Variants in COL5A3 observed in about 807,000 individuals in gnomAD.
The protein encoded by COL5A3 is collagen alpha-3(V) chain.
Under a neutral mutation model 250.0 loss-of-function variants are expected in COL5A3, and 172 were observed. The observed-to-expected ratio is 0.69, with a 90% CI of 0.61 to 0.78. COL5A3 has a LOEUF of 0.78. COL5A3 is among the 30% of genes least tolerant of loss of function. The probability of loss-of-function intolerance (pLI) is 0.00; values close to 1 mark genes in which losing one functional copy is unlikely to be tolerated. For missense variants in COL5A3, 2,340 were observed against 2,334.4 expected, an observed-to-expected ratio of 1.00 and a Z score of -0.05; for synonymous variants, 937 against 900.4, an observed-to-expected ratio of 1.04 and a Z score of -0.73.
rs758551765 is a variant in COL5A3 at position 10,004,084 on chromosome 19, C to G, written c.656G>C (p.Arg219Pro). The G allele has an allele frequency of 2.5e-6, 4 of 1,613,928 alleles. No individual in the cohort carries two copies. The highest frequency in any genetic ancestry group is 1.1e-5 in the South Asian group (1 of 91,084). The change falls in exon 5 of 67, where the codon CGG becomes CCG. Residue 219 changes from arginine (R) to proline (P), a missense_variant. By Grantham distance (103) the Arg-to-Pro change is moderately radical. Coordinates refer to ENST00000264828, the MANE Select transcript of COL5A3 (RefSeq NM_015719.4). ...DPQAAFQACERYLPDCDNLAP... is the reference protein window; with the variant it reads ...DPQAAFQACEPYLPDCDNLAP... ...CAGGTTGTCACAGTCGGGGAGGTAC[C>G]GCTCACAAGCCTGGAAGGCAGCCTG...
At chr19:10,006,978 G>A (rs1262067195) in intron 1 of COL5A3, among the ~76,000 whole-genome samples, 1 of 145,632 alleles carries the variant, frequency 6.9e-6, no homozygotes, top group Admixed American at 6.8e-5. Flanking sequence ...CTCAGACTTT[G>A]CCCTCTGACC....
Position 9,972,989 on chromosome 19 carries a change from C to A in COL5A3, c.3704G>T (p.Gly1235Val). 2 of 1,611,102 alleles carry A rather than the reference C, an allele frequency of 1.2e-6. No homozygotes were observed. Among genetic ancestry groups the A allele is most frequent in the Non-Finnish European group, 1.7e-6 (2 of 1,178,772 alleles). The change falls in exon 51 of 67, where the codon GGC becomes GTC. Residue 1235 changes from glycine (G) to valine (V), a missense_variant. Physicochemically the swap from Gly to Val is moderately radical, Grantham distance 109 (BLOSUM62 -3). Around this residue, in one of 3 missense-constraint regions of COL5A3, gnomAD observed 1,179 missense variants for 1,162.6 expected, o/e 1.01. Transcript: ENST00000264828. The part of the protein sequence containing the change: ...KGDIGEKGDS[G>V]PSGAAGPPGK... The stretch of plus-strand genomic sequence containing the variant: ...TGGGGGTCCAGCAGCTCCAGATGGG[C>A]CTGAGTCCCCCTTTTCACCAATGTC...
intron 33 of COL5A3, 43 bp from the exon 34 acceptor site, chr19:9,980,902 G>A (rs1264761729): frequency 1.3e-6 from 2 of 1,577,402 alleles, no homozygotes; most frequent in South Asian, 1.1e-5. Flanking sequence ...GAGGGGGTGG[G>A]GGAGCCTGGG....
chr19:9,978,329 T>C (rs1317952197), intron 41 of COL5A3, among the ~76,000 whole-genome samples: 3 of 152,110 alleles, frequency 2.0e-5, no homozygotes, highest in Non-Finnish European at 4.4e-5. Flanking sequence ...GTTCAAGCGA[T>C]TCTCCTGCCT....
chr19:9,973,327 A>T (rs1358148248), intron 50 of COL5A3, among the ~76,000 whole-genome samples: 2 of 152,184 alleles, frequency 1.3e-5, no homozygotes, highest in African/African-American at 4.8e-5. Context: ...CTCATGACTC[A>T]GATTTGAGCC....
chr19:9,967,460 TACACACAAACACACACACACACTC>T, intron 61 of COL5A3, 60 bp from the exon 62 acceptor site: 1 of 1,214,032 alleles, frequency 8.2e-7, no homozygotes. Context: ...CCCACCAACA[TACACACAAACACACACACACACTC>T]ACACACACAC....
intron 22 of COL5A3, 69 bp from the exon 23 acceptor site, chr19:9,991,910 T>TG: frequency 6.3e-7 from 1 of 1,576,622 alleles, no homozygotes; most frequent in South Asian, 1.1e-5. Flanking sequence ...TGAAATTGAC[T>TG]TGGGGGGGGT....
At chr19:10,000,739 G>A (rs73007115) in intron 8 of COL5A3, among the ~76,000 whole-genome samples, 19,992 of 152,024 alleles carry the variant, frequency 0.13, 1,407 homozygotes, top group Middle Eastern at 0.17. Flanking sequence ...ACACAAGCAG[G>A]TGCAGAAGTC....
At position 9,993,453 on chromosome 19, in the gene COL5A3, G is replaced by T; in HGVS notation, c.1696-20C>A. Reference sequence around the variant, plus strand: ...GTCACCCTGGAGAGGGAACAGAGGGGAGTTCAGAGTGGAAGGGTGTGGGCG... The same window carrying T: ...GTCACCCTGGAGAGGGAACAGAGGGTAGTTCAGAGTGGAAGGGTGTGGGCG... On this transcript the variant is annotated intron_variant, in intron 18 of 66. Transcript: ENST00000264828. The T allele has an allele frequency of 6.2e-7, 1 of 1,613,774 alleles. No homozygotes were observed. The highest frequency in any genetic ancestry group is 8.5e-7 in the Non-Finnish European group (1 of 1,179,730).
chr19:9,998,913 G>A (rs889491254), intron 8 of COL5A3, among the ~76,000 whole-genome samples: 5 of 151,918 alleles, frequency 3.3e-5, no homozygotes, highest in African/African-American at 1.2e-4. Context: ...TCGAACTCCT[G>A]ACTTAGGTGA....
Position 9,964,833 on chromosome 19 carries a change from G to A in COL5A3, c.4782+1481C>T, listed in dbSNP as rs115275772. 4.6e-3 allele frequency among the ~76,000 whole-genome samples: 528 copies of A among 114,118 alleles called. 4 individuals carry two copies. Among genetic ancestry groups the A allele is most frequent in the African/African-American group, 0.017 (490 of 28,470 alleles). 74.9% of individuals were successfully genotyped at this position (114,118 alleles called of 152,430 possible). On this transcript the variant is annotated intron_variant, in intron 64 of 66. Coordinates refer to ENST00000264828, the MANE Select transcript of COL5A3 (RefSeq NM_015719.4). ...TGAGGTCAAGACCAGCCTAACCAACGTAGTGAAACCCCATCTCTACTAAAA... is the reference window on the plus strand; with the variant it reads ...TGAGGTCAAGACCAGCCTAACCAACATAGTGAAACCCCATCTCTACTAAAA...
rs1251556971 is a variant in COL5A3, at chr19:9,973,953, C to G, written c.3524G>C (p.Gly1175Ala). Residue 1175 changes from glycine to alanine, a missense_variant, in exon 48 of 67, where the codon GGT becomes GCT. Physicochemically the swap from Gly to Ala is moderately conservative, Grantham distance 60 (BLOSUM62 0). Coordinates refer to ENST00000264828, the MANE Select transcript of COL5A3 (RefSeq NM_015719.4). ...VGSMGPHGAPGPRGPQGPTGS... is the reference protein window; with the variant it reads ...VGSMGPHGAPAPRGPQGPTGS... ...AGTGGGGCCTTGGGGACCCCGAGGA[C>G]CTGGAGCTCCATGGGGACCCTGTGG... 6.5e-7 allele frequency: 1 copy of G among 1,546,122 alleles called. No individual in the cohort carries two copies. Among genetic ancestry groups the G allele is most frequent in the Non-Finnish European group, 8.7e-7 (1 of 1,146,182 alleles).
intron 19 of COL5A3, 104 bp from the exon 20 acceptor site, chr19:9,993,171 G>T: frequency 7.8e-7 from 1 of 1,287,612 alleles, no homozygotes; most frequent in Non-Finnish European, 1.1e-6. Context: ...AATTAGACCA[G>T]GATCCCTGGG....
chr19:9,971,152 G>C, intron 52 of COL5A3, 53 bp downstream of exon 52: 1 of 1,455,998 alleles, frequency 6.9e-7, no homozygotes, highest in Middle Eastern at 1.8e-4. Context: ...GGGGTAGGGA[G>C]ATGGGGACAG....
chr19:9,964,854 T>TAAAAAAAAA (rs57037583), intron 64 of COL5A3, among the ~76,000 whole-genome samples: 1 of 49,010 alleles, frequency 2.0e-5, no homozygotes, highest in Non-Finnish European at 3.4e-5. Context: ...CCATCTCTAC[T>TAAAAAAAAA]AAAAAAAAAA....
In COL5A3 at chr19:9,997,521, C is replaced by T. The variant is rs1599223517; in HGVS notation, c.1201-88G>A. On this transcript the variant is annotated intron_variant, in intron 10 of 66. Transcript: ENST00000264828. ...ACCTACCACTGACTCTAACCTCAGGCTGACCTCCCTACCCCACTACAGAGC... is the reference window on the plus strand; with the variant it reads ...ACCTACCACTGACTCTAACCTCAGGTTGACCTCCCTACCCCACTACAGAGC... 54 of 804,368 alleles carry T rather than the reference C, an allele frequency of 6.7e-5. No homozygotes were observed. The South Asian group carries it at 9.0e-4, about 13-fold the overall frequency. 49.8% of individuals were successfully genotyped at this position (804,368 alleles called of 1,614,324 possible). A position where few individuals can be genotyped will look rare whatever the true frequency, so the allele number is the denominator to read the frequency against.
chr19:9,979,203 C>T lies in COL5A3; in HGVS notation c.2803G>A (p.Gly935Arg). 6.2e-7 allele frequency: 1 copy of T among 1,604,246 alleles called. No homozygotes were observed. The highest frequency in any genetic ancestry group is 8.5e-7 in the Non-Finnish European group (1 of 1,177,334). The change falls in exon 39 of 67, where the codon GGG (glycine) becomes AGG (arginine). Residue 935 changes from glycine (G) to arginine (R), a missense_variant. This residue lies in a region of COL5A3 where 1,179 missense variants were observed against 1,162.6 expected (regional missense o/e 1.01). Transcript: ENST00000264828. ...TGEVGPLGER[G>R]PPGPPGPPGE... is the part of the protein sequence containing the mutation. ...GGAGGTCCAGGGGGGCCTGGAGGCC[C>T]CCTTTCACCTAGAGGTCCCACTTCT...
At chr19:9,982,703 T>C (rs1286679865) in intron 31 of COL5A3, among the ~76,000 whole-genome samples, 2 of 152,176 alleles carry the variant, frequency 1.3e-5, no homozygotes, top group South Asian at 2.1e-4. Context: ...TGATATCCTC[T>C]CCCACACCTC....
chr19:9,972,217 T>C (rs1395301633), intron 51 of COL5A3, among the ~76,000 whole-genome samples: 1 of 152,262 alleles, frequency 6.6e-6, no homozygotes, highest in Non-Finnish European at 1.5e-5. Flanking sequence ...GCACATTTAT[T>C]CATTCACATA....
Sources: gnomAD v4.1 joint callset for allele counts (sites outside exome capture counted in the v4.1 genomes callset) on GRCh38, gnomAD v4.1.1 for gene constraint, gnomAD v4.1.1 regional missense constraint, MANE v1.5 for transcripts, NCBI Gene and HGNC (gene_info 2026-07-23, HGNC 2026-07-21) for gene names.